Variants in CCDC85C observed in about 807,000 individuals in gnomAD.
CCDC85C encodes the protein coiled-coil domain-containing protein 85C.
A neutral mutation model predicts 38.3 loss-of-function variants in CCDC85C; 18 were observed. The observed-to-expected ratio is 0.47, with a 90% confidence interval of 0.33 to 0.70. The LOEUF is 0.70. Ranked by LOEUF, CCDC85C falls within the 30% of genes least tolerant of loss-of-function variation. The probability of loss-of-function intolerance (pLI) is 0.03; values close to 1 mark genes in which losing one functional copy is unlikely to be tolerated. For synonymous variants in CCDC85C, 264 were observed against 293.8 expected, an observed-to-expected ratio of 0.90 and a Z score of 1.04; for missense variants, 566 against 621.2, an observed-to-expected ratio of 0.91 and a Z score of 0.94.
intron 1 of CCDC85C, among the ~76,000 whole-genome samples, chr14:99,577,631 T>C (rs1245302028): frequency 1.3e-5 from 2 of 152,072 alleles, no homozygotes; most frequent in East Asian, 1.9e-4. Context: ...AGTGCATGTG[T>C]GTGTGCATGT....
At chr14:99,566,381 C>A (rs1898216406) in intron 1 of CCDC85C, among the ~76,000 whole-genome samples, 1 of 152,218 alleles carries the variant, frequency 6.6e-6, no homozygotes. Flanking sequence ...ATTACGTACT[C>A]ACCAAGAATG....
In CCDC85C at chr14:99,501,235, C is replaced by G; in HGVS notation, c.*14011G>C. ...ACATCATTCATCCTTGTTTCCCACG[C>G]AAAAGCTCTTTGCTGTGTATTTGAG... is the stretch of plus-strand genomic sequence containing the variant. On this transcript the variant is annotated 3_prime_UTR_variant, in exon 6 of 6. Coordinates refer to ENST00000380243, the MANE Select transcript of CCDC85C (RefSeq NM_001144995.2). 1 of 698,568 alleles carries G rather than the reference C, an allele frequency of 1.4e-6. No homozygotes were observed. Among genetic ancestry groups the G allele is most frequent in the Non-Finnish European group, 2.6e-6 (1 of 390,922 alleles). 43.3% of individuals were successfully genotyped at this position (698,568 alleles called of 1,614,324 possible).
In CCDC85C at chr14:99,516,675, G is replaced by T. The variant is rs28627885; in HGVS notation, c.1072-389C>A. Among the ~76,000 whole-genome samples the T allele has an allele frequency of 1.3e-5, 2 of 152,050 alleles. No individual in the cohort carries two copies. The highest frequency in any genetic ancestry group is 2.4e-5 in the African/African-American group (1 of 41,368). On this transcript the variant is annotated intron_variant, in intron 4 of 5. Transcript: ENST00000380243. The surrounding 1 kb of genome is among the most constrained non-coding windows in gnomAD (Gnocchi z 5.5). ...CATGGGGCACGTACGTAGGAGGAAG[G>T]GGGGCATGGGAGTGGGGACTGTGCT...
chr14:99,589,306 G>A (rs998247738), intron 1 of CCDC85C, among the ~76,000 whole-genome samples: 17 of 152,128 alleles, frequency 1.1e-4, no homozygotes, highest in Admixed American at 2.0e-4. Context: ...ACGGCTGGGC[G>A]CCCAGGGTAA....
chr14:99,586,938 G>A lies in CCDC85C; in HGVS notation c.793+16229C>T, dbSNP rs111869583. Among the ~76,000 whole-genome samples the A allele has an allele frequency of 2.0e-3, 307 of 152,320 alleles. 1 individual carries two copies. Among genetic ancestry groups the A allele is most frequent in the African/African-American group, 7.0e-3 (292 of 41,572 alleles). ...GCCCGCAGCCACGGGCGGCACTCCC[G>A]CGCTCACAGAGGGCCTCTGCCCTCC... On this transcript the variant is annotated intron_variant, in intron 1 of 5. Coordinates refer to ENST00000380243, the MANE Select transcript of CCDC85C (RefSeq NM_001144995.2).
Position 99,503,663 on chromosome 14 carries a change from G to A in CCDC85C, c.*11583C>T. 1.3e-6 allele frequency: 2 copies of A among 1,547,736 alleles called. No homozygotes were observed. Among genetic ancestry groups the A allele is most frequent in the African/African-American group, 1.4e-5 (1 of 73,210 alleles). ...GCAGCAGGTAATTTCCTGTTCTGAT[G>A]TTTTTTTAGTTTTATGTGTTTATAT... is the stretch of plus-strand genomic sequence containing the variant. On this transcript the variant is annotated 3_prime_UTR_variant, in exon 6 of 6. Transcript: ENST00000380243.
At position 99,576,941 on chromosome 14, in the gene CCDC85C, G is replaced by GC. The variant is rs1183499059; in HGVS notation, c.793+26225dup. ...CACACCCACTGCTGAGCTCTCCCTCGCCCCCAGGCTGCCTGGGGGCACGGT... is the reference window on the plus strand; with the variant it reads ...CACACCCACTGCTGAGCTCTCCCTCGCCCCCCAGGCTGCCTGGGGGCACGGT... On this transcript the variant is annotated intron_variant, in intron 1 of 5. Coordinates refer to ENST00000380243, the MANE Select transcript of CCDC85C (RefSeq NM_001144995.2). The surrounding 1 kb of genome is among the most constrained non-coding windows in gnomAD (Gnocchi z 4.8). 6.6e-6 allele frequency among the ~76,000 whole-genome samples: 1 copy of GC among 151,746 alleles called. No individual in the cohort carries two copies. Among genetic ancestry groups the GC allele is most frequent in the Non-Finnish European group, 1.5e-5 (1 of 67,898 alleles).
At chr14:99,580,931 G>T (rs1595099750) in intron 1 of CCDC85C, among the ~76,000 whole-genome samples, 1 of 152,170 alleles carries the variant, frequency 6.6e-6, no homozygotes, top group East Asian at 1.9e-4. Flanking sequence ...TGTGGCAAAG[G>T]CATCAGAGCC....
intron 1 of CCDC85C, among the ~76,000 whole-genome samples, chr14:99,561,705 G>C (rs948631615): frequency 1.3e-5 from 2 of 152,156 alleles, no homozygotes; most frequent in Non-Finnish European, 2.9e-5. Context: ...GCCACCCAGG[G>C]CCCCAGCCTG....
rs1304647708 is a variant in CCDC85C at position 99,545,717 on chromosome 14, G to A, written c.794-9629C>T. 6.6e-6 allele frequency among the ~76,000 whole-genome samples: 1 copy of A among 152,124 alleles called. No homozygotes were observed. Among genetic ancestry groups the A allele is most frequent in the Non-Finnish European group, 1.5e-5 (1 of 68,036 alleles). ...GGGAGAGACATCTCACCACACAGCG[G>A]TCACATCACATTCAGCCTGCAGCTC... On this transcript the variant is annotated intron_variant, in intron 1 of 5. Transcript: ENST00000380243. This position sits in a 1 kb window ranked among gnomAD's most constrained non-coding sequence, Gnocchi z 4.7.
At position 99,578,412 on chromosome 14, in the gene CCDC85C, C is replaced by G. The variant is rs548611700; in HGVS notation, c.793+24755G>C. On this transcript the variant is annotated intron_variant, in intron 1 of 5. Coordinates refer to ENST00000380243, the MANE Select transcript of CCDC85C (RefSeq NM_001144995.2). ...TGTGTGTGTGTGTGAGTGTACACCT[C>G]TCCACACCCATACAGCCCACACCTA... Among the ~76,000 whole-genome samples the G allele has an allele frequency of 2.6e-5, 4 of 152,300 alleles. No homozygotes were observed. In the East Asian group the frequency reaches 7.7e-4, roughly 29 times the overall value.
chr14:99,568,359 A>G (rs1049777778), intron 1 of CCDC85C, among the ~76,000 whole-genome samples: 1 of 147,394 alleles, frequency 6.8e-6, no homozygotes, highest in African/African-American at 2.5e-5. Context: ...CGCATTTCTA[A>G]AGGGCTGGAG....
intron 1 of CCDC85C, among the ~76,000 whole-genome samples, chr14:99,587,998 CCCCTCAG>C (rs1219572820): frequency 6.6e-6 from 1 of 152,184 alleles, no homozygotes; most frequent in Admixed American, 6.5e-5. Flanking sequence ...CCTCTGGTCT[CCCCTCAG>C]CCCTTCCAGC....
Position 99,569,587 on chromosome 14 carries a change from A to C in CCDC85C, c.794-33499T>G, listed in dbSNP as rs1248552117. On this transcript the variant is annotated intron_variant, in intron 1 of 5. Coordinates refer to ENST00000380243, the MANE Select transcript of CCDC85C (RefSeq NM_001144995.2). This position sits in a 1 kb window ranked among gnomAD's most constrained non-coding sequence, Gnocchi z 4.3. The stretch of plus-strand genomic sequence containing the variant: ...GACAGTGATTCAACGGTCCCAGGCC[A>C]AAAAGCCAGGACACTCCAGAGCCAA... Among the ~76,000 whole-genome samples, 1 of 152,190 alleles carries C rather than the reference A, an allele frequency of 6.6e-6. No homozygotes were observed. Among genetic ancestry groups the C allele is most frequent in the Non-Finnish European group, 1.5e-5 (1 of 68,030 alleles).
chr14:99,516,072 C>G lies in CCDC85C; in HGVS notation c.1170+116G>C. ...CCCCCAGCTATCCAAGGTCACCCAG[C>G]CTTCGCTGAGCATTCGAGAAATGGA... On this transcript the variant is annotated intron_variant, in intron 5 of 5. Coordinates refer to ENST00000380243, the MANE Select transcript of CCDC85C (RefSeq NM_001144995.2). The surrounding 1 kb of genome is among the most constrained non-coding windows in gnomAD (Gnocchi z 5.5). 2.4e-6 allele frequency: 2 copies of G among 833,656 alleles called. No individual in the cohort carries two copies. The highest frequency in any genetic ancestry group is 3.1e-5 in the South Asian group (2 of 64,808). The allele number at this position is 833,656 out of a possible 1,614,324, so 51.6% of individuals were successfully genotyped here.
At chr14:99,559,194 G>A (rs542321908) in intron 1 of CCDC85C, among the ~76,000 whole-genome samples, 45 of 139,624 alleles carry the variant, frequency 3.2e-4, no homozygotes, top group African/African-American at 9.4e-4. Context: ...ACAGCAATGC[G>A]AGAGCAGCCG....
In CCDC85C at chr14:99,510,226, T is replaced by A; in HGVS notation, c.*5020A>T. ...CCGGGCCCTGTGGATGCCACTGACCTCCCCAAAGTCCAGATTCCCCCTCCG... is the reference window on the plus strand; with the variant it reads ...CCGGGCCCTGTGGATGCCACTGACCACCCCAAAGTCCAGATTCCCCCTCCG... On this transcript the variant is annotated 3_prime_UTR_variant, in exon 6 of 6. Transcript: ENST00000380243. The A allele has an allele frequency of 6.3e-7, 1 of 1,595,060 alleles. No homozygotes were observed. Among genetic ancestry groups the A allele is most frequent in the Middle Eastern group, 2.0e-4 (1 of 4,974 alleles).
rs1896960911 is a variant in CCDC85C, at chr14:99,505,885, A to C, written c.*9361T>G. The C allele has an allele frequency of 6.6e-6, 1 of 152,292 alleles. No individual in the cohort carries two copies. The highest frequency in any genetic ancestry group is 2.4e-5 in the African/African-American group (1 of 41,448). 9.4% of individuals were successfully genotyped at this position (152,292 alleles called of 1,614,324 possible). Reference sequence around the variant, plus strand: ...AAATAAAATGGCTCCTGGAAAGTTTAAAATTGTAGATATGTGGCTCTCAGT... The same window carrying C: ...AAATAAAATGGCTCCTGGAAAGTTTCAAATTGTAGATATGTGGCTCTCAGT... On this transcript the variant is annotated 3_prime_UTR_variant, in exon 6 of 6. Transcript: ENST00000380243.
chr14:99,500,434 T>C lies in CCDC85C; in HGVS notation c.*14812A>G, dbSNP rs1325063993. The C allele has an allele frequency of 1.0e-5, 2 of 194,190 alleles. No homozygotes were observed. The highest frequency in any genetic ancestry group is 2.9e-4 in the East Asian group (2 of 6,830). 12.0% of individuals were successfully genotyped at this position (194,190 alleles called of 1,614,324 possible). A position where few individuals can be genotyped will look rare whatever the true frequency, so the allele number is the denominator to read the frequency against. On this transcript the variant is annotated 3_prime_UTR_variant, in exon 6 of 6. Transcript: ENST00000380243. ...TAAAATTTGAGGTCTTGAAAGAAATTACAATTTAGTCAAATTATCAATAAC... is the reference window on the plus strand; with the variant it reads ...TAAAATTTGAGGTCTTGAAAGAAATCACAATTTAGTCAAATTATCAATAAC...
Sources: gnomAD v4.1 joint callset for allele counts (sites outside exome capture counted in the v4.1 genomes callset) on GRCh38, gnomAD v4.1.1 for gene constraint, Gnocchi (gnomAD v3.1) non-coding constraint, MANE v1.5 for transcripts, NCBI Gene and HGNC (gene_info 2026-07-23, HGNC 2026-07-21) for gene names.